The following PRPF18 variants were observed in gnomAD, a reference collection of about 807,000 sequenced individuals.
The protein encoded by PRPF18 is pre-mRNA-splicing factor 18.
PRPF18 carries 38 observed loss-of-function variants against 46.5 expected under a neutral mutation model. That is an observed-to-expected ratio of 0.82 (90% CI 0.63 to 1.07). The LOEUF is 1.07. Among genes scored for constraint, PRPF18 ranks in the 50% least tolerant of loss-of-function variants. The pLI is 0.00. For missense variants in PRPF18, 263 were observed against 410.0 expected, an observed-to-expected ratio of 0.64 and a Z score of 3.10; for synonymous variants, 152 against 146.7, an observed-to-expected ratio of 1.04 and a Z score of -0.26.
At chr10:13,621,247 C>T (rs185191043) in intron 9 of PRPF18, among the ~76,000 whole-genome samples, 1 of 152,182 alleles carries the variant, frequency 6.6e-6, no homozygotes, top group Admixed American at 6.5e-5. Context: ...TCACTGTGTT[C>T]CCTCCAAACG....
chr10:13,636,676 A>G, the PRPF18 span, among the ~76,000 whole-genome samples: 1 of 152,186 alleles, frequency 6.6e-6, no homozygotes, highest in Non-Finnish European at 1.5e-5. Flanking sequence ...CACACAGTAA[A>G]CAAAGTAACT....
In PRPF18 at chr10:13,613,899, A is replaced by C. The variant is rs773898026; in HGVS notation, c.720+18A>C. 6.3e-7 allele frequency: 1 copy of C among 1,593,010 alleles called. No individual in the cohort carries two copies. The highest frequency in any genetic ancestry group is 8.5e-7 in the Non-Finnish European group (1 of 1,174,300). On this transcript the variant is annotated intron_variant, in intron 7 of 9. Coordinates refer to ENST00000378572, the MANE Select transcript of PRPF18 (RefSeq NM_003675.4). ...GGAAAAGGGTGAGGTTTCTTGGAAA[A>C]TACTTTTTTTAACTGACTTTAAAAA...
chr10:13,587,437 C>G (rs2079892127), intron 1 of PRPF18, among the ~76,000 whole-genome samples: 1 of 152,198 alleles, frequency 6.6e-6, no homozygotes, highest in African/African-American at 2.4e-5. Flanking sequence ...AACCTGAGGC[C>G]AATTAACGCC....
chr10:13,624,682 A>T (rs1313526796), intron 9 of PRPF18, among the ~76,000 whole-genome samples: 1 of 152,258 alleles, frequency 6.6e-6, no homozygotes, highest in Non-Finnish European at 1.5e-5. Flanking sequence ...GATTCCACTG[A>T]TGCTGGCAGC....
intron 4 of PRPF18, 104 bp from the exon 5 acceptor site, chr10:13,609,935 T>A: frequency 7.9e-7 from 1 of 1,264,688 alleles, no homozygotes; most frequent in Non-Finnish European, 1.1e-6. Flanking sequence ...GAACTCTTCT[T>A]GTGGGGGAAA....
At chr10:13,636,890 T>C in the PRPF18 span, 1 of 152,216 alleles carries the variant, frequency 6.6e-6, no homozygotes, top group Non-Finnish European at 1.5e-5. Context: ...CACCACAGTC[T>C]TAGAACACTT....
intron 1 of PRPF18, chr10:13,591,707 C>T (rs1190904558): frequency 3.6e-6 from 3 of 824,100 alleles, no homozygotes; most frequent in Non-Finnish European, 5.8e-6. Context: ...GGGATTTTTA[C>T]ATCGCTGATA....
chr10:13,611,298 A>G (rs1299955357), intron 5 of PRPF18, among the ~76,000 whole-genome samples: 1 of 151,858 alleles, frequency 6.6e-6, no homozygotes, highest in Admixed American at 6.6e-5. Context: ...TATACAAATC[A>G]GTGGTTTTTA....
chr10:13,647,576 C>T, the PRPF18 span: 1 of 151,946 alleles, frequency 6.6e-6, no homozygotes, highest in Non-Finnish European at 1.5e-5. Flanking sequence ...TGTGAGTTTT[C>T]CCTATAGTGA....
chr10:13,651,035 G>A, the PRPF18 span: 2 of 152,186 alleles, frequency 1.3e-5, no homozygotes, highest in Non-Finnish European at 2.9e-5. Flanking sequence ...AAGCCCTTGT[G>A]TCCCAGTTAG....
chr10:13,624,517 G>A (rs1458036813), intron 9 of PRPF18, among the ~76,000 whole-genome samples: 1 of 152,206 alleles, frequency 6.6e-6, no homozygotes, highest in Admixed American at 6.5e-5. Context: ...GAGGTTGCCT[G>A]CCCAAGTGGG....
At chr10:13,611,200 T>C (rs2080263956) in intron 5 of PRPF18, among the ~76,000 whole-genome samples, 1 of 151,710 alleles carries the variant, frequency 6.6e-6, no homozygotes, top group Non-Finnish European at 1.5e-5. Flanking sequence ...TTTTTTTTTT[T>C]TTTTTCCTAT....
chr10:13,629,930 A>T (rs2080570810), intron 9 of PRPF18, among the ~76,000 whole-genome samples: 1 of 152,248 alleles, frequency 6.6e-6, no homozygotes, highest in South Asian at 2.1e-4. Context: ...CCGAATTGTT[A>T]CATGTAGCTA....
chr10:13,649,795 A>G, the PRPF18 span, among the ~76,000 whole-genome samples: 1 of 152,240 alleles, frequency 6.6e-6, no homozygotes, highest in Non-Finnish European at 1.5e-5. Flanking sequence ...GCCATGTGCT[A>G]CGAAAGAGAC....
chr10:13,643,547 C>T, the PRPF18 span: 1 of 152,558 alleles, frequency 6.6e-6, no homozygotes, highest in Non-Finnish European at 1.5e-5. Flanking sequence ...CCAAGCTTCT[C>T]TGTATCATCT....
At chr10:13,627,226 C>A (rs970410355) in intron 9 of PRPF18, among the ~76,000 whole-genome samples, 3 of 152,176 alleles carry the variant, frequency 2.0e-5, no homozygotes, top group Non-Finnish European at 4.4e-5. Flanking sequence ...AAGCACTTAG[C>A]ATCGTTGAAA....
intron 9 of PRPF18, among the ~76,000 whole-genome samples, chr10:13,624,159 C>T (rs753786003): frequency 8.5e-5 from 13 of 152,066 alleles, no homozygotes; most frequent in South Asian, 2.1e-4. Context: ...TTTGTATTTT[C>T]GTAGTGACAT....
chr10:13,625,959 C>T lies in PRPF18; in HGVS notation c.949-4301C>T, dbSNP rs1159165024. 2.0e-5 allele frequency among the ~76,000 whole-genome samples: 3 copies of T among 152,248 alleles called. No homozygotes were observed. The East Asian group carries it at 5.8e-4, about 29-fold the overall frequency. On this transcript the variant is annotated intron_variant, in intron 9 of 9. Coordinates refer to ENST00000378572, the MANE Select transcript of PRPF18 (RefSeq NM_003675.4). ...CGTCATAGCTGACACTTAAGTAGTG[C>T]TTACTGTGCTTCCCTTCAGTACTTT...
rs563579655 is a variant in PRPF18 at position 13,615,330 on chromosome 10, A to G, written c.793-1068A>G. Among the ~76,000 whole-genome samples, 9 of 152,366 alleles carry G rather than the reference A, an allele frequency of 5.9e-5. 1 individual carries two copies. Among genetic ancestry groups the G allele is most frequent in the African/African-American group, 1.9e-4 (8 of 41,588 alleles). ...CTACAGAAAGAACCAAGAAGCTTTA[A>G]TAACCTGTTTAGACAGTTTCTTTGA... On this transcript the variant is annotated intron_variant, in intron 8 of 9. Coordinates refer to ENST00000378572, the MANE Select transcript of PRPF18 (RefSeq NM_003675.4).
Sources: gnomAD v4.1 joint callset for allele counts (sites outside exome capture counted in the v4.1 genomes callset) on GRCh38, gnomAD v4.1.1 for gene constraint, MANE v1.5 for transcripts, NCBI Gene and HGNC (gene_info 2026-07-23, HGNC 2026-07-21) for gene names.